The following TFPI variants were observed in gnomAD, a reference collection of about 807,000 sequenced individuals.
TFPI encodes tissue factor pathway inhibitor.
Under a neutral mutation model 34.6 loss-of-function variants are expected in TFPI, and 15 were observed. The observed-to-expected ratio is 0.43, with a 90% confidence interval of 0.29 to 0.67. TFPI has a LOEUF of 0.67. TFPI is among the 30% of genes least tolerant of loss of function. The pLI, the probability that TFPI is intolerant of heterozygous loss-of-function variation, is 0.15. For missense variants in TFPI, 301 were observed against 364.0 expected (o/e 0.83, Z 1.41); for synonymous variants, 105 against 120.1 (o/e 0.87, Z 0.82).
chr2:187,486,936 C>T (rs1209130274), intron 4 of TFPI, among the ~76,000 whole-genome samples: 1 of 151,548 alleles, frequency 6.6e-6, no homozygotes, highest in Non-Finnish European at 1.5e-5. Flanking sequence ...ACAAAGTTCA[C>T]TCGAAATTGA....
intron 1 of TFPI, among the ~76,000 whole-genome samples, chr2:187,534,569 G>A (rs1688139614): frequency 6.6e-6 from 1 of 152,076 alleles, no homozygotes. Context: ...CCTGAAGGAG[G>A]CACTAAATAT....
intron 1 of TFPI, among the ~76,000 whole-genome samples, chr2:187,533,273 A>T (rs559266798): frequency 2.7e-4 from 41 of 152,182 alleles, no homozygotes; most frequent in African/African-American, 9.4e-4. Flanking sequence ...TGACTGGGAG[A>T]CACCTCCCAG....
intron 1 of TFPI, among the ~76,000 whole-genome samples, chr2:187,511,937 T>A (rs982149992): frequency 6.6e-6 from 1 of 151,636 alleles, no homozygotes; most frequent in African/African-American, 2.4e-5. Context: ...GAGAGAGATA[T>A]ACAAGTAGTT....
intron 1 of TFPI, among the ~76,000 whole-genome samples, chr2:187,513,104 A>C (rs556733702): frequency 1.3e-5 from 2 of 152,188 alleles, no homozygotes; most frequent in South Asian, 4.1e-4. Flanking sequence ...TTTTACCTAC[A>C]TTAAAAGGTT....
chr2:187,504,326 G>A (rs1192879768), intron 1 of TFPI, among the ~76,000 whole-genome samples: 1 of 151,868 alleles, frequency 6.6e-6, no homozygotes, highest in African/African-American at 2.4e-5. Flanking sequence ...TCCTAACCAG[G>A]TTTTCTGTGA....
chr2:187,528,932 T>C (rs534295431), intron 1 of TFPI, among the ~76,000 whole-genome samples: 84 of 152,022 alleles, frequency 5.5e-4, no homozygotes, highest in Non-Finnish European at 1.0e-3. Flanking sequence ...CTCCTTTTTA[T>C]AAAAATGGTA....
intron 1 of TFPI, among the ~76,000 whole-genome samples, chr2:187,544,830 C>T (rs1437637695): frequency 6.6e-6 from 1 of 152,166 alleles, no homozygotes; most frequent in African/African-American, 2.4e-5. Context: ...AATTGTTTCT[C>T]TTGGCCAGGT....
chr2:187,528,555 G>A (rs1687797261), intron 1 of TFPI, among the ~76,000 whole-genome samples: 1 of 152,112 alleles, frequency 6.6e-6, no homozygotes, highest in African/African-American at 2.4e-5. Flanking sequence ...AGTCTGTTTA[G>A]ATTTGCTCTG....
At chr2:187,511,841 GAGAC>G (rs1344942571) in intron 1 of TFPI, among the ~76,000 whole-genome samples, 1 of 151,834 alleles carries the variant, frequency 6.6e-6, no homozygotes, top group African/African-American at 2.4e-5. Flanking sequence ...ATAGAGGAAA[GAGAC>G]AGAGAGGGAA....
chr2:187,515,958 A>G (rs1379380146), intron 1 of TFPI: 1 of 152,114 alleles, frequency 6.6e-6, no homozygotes, highest in African/African-American at 2.4e-5. Flanking sequence ...AGCTGGAAAG[A>G]TGATGAGTGG....
At chr2:187,546,447 AAGTT>A (rs1688869790) in intron 1 of TFPI, among the ~76,000 whole-genome samples, 1 of 152,134 alleles carries the variant, frequency 6.6e-6, no homozygotes, top group Non-Finnish European at 1.5e-5. Context: ...AAACAAATAA[AAGTT>A]AGCATTACAT....
Position 187,488,343 on chromosome 2 carries a change from G to T in TFPI, c.352C>A (p.Gln118Lys). The change falls in exon 4 of 8, where the codon CAA (glutamine) becomes AAA (lysine). Residue 118 changes from glutamine (Q) to lysine (K), a missense_variant. Gln to Lys is a moderately conservative substitution (Grantham distance 53, BLOSUM62 1). Coordinates refer to ENST00000233156, the MANE Select transcript of TFPI (RefSeq NM_006287.6). ...CAGACAAATAAATGTTCACCTTGTT[G>T]CAATGTTGTCTTTATAATCCTGTTT... is the stretch of plus-strand genomic sequence containing the variant. ...NANRIIKTTLQQEKPDFCFLE... is the reference protein window; with the variant it reads ...NANRIIKTTLKQEKPDFCFLE... 6.4e-7 allele frequency: 1 copy of T among 1,565,638 alleles called. No homozygotes were observed.
chr2:187,537,285 A>G (rs1303895507), intron 1 of TFPI, among the ~76,000 whole-genome samples: 1 of 152,234 alleles, frequency 6.6e-6, no homozygotes, highest in Non-Finnish European at 1.5e-5. Context: ...AGCCAAGACA[A>G]TCCTAAGCAA....
chr2:187,540,288 G>A (rs899760423), intron 1 of TFPI, among the ~76,000 whole-genome samples: 3 of 152,066 alleles, frequency 2.0e-5, no homozygotes, highest in African/African-American at 7.2e-5. Context: ...GCAAAAAATT[G>A]CAAAATAAGA....
intron 1 of TFPI, among the ~76,000 whole-genome samples, chr2:187,542,142 A>G (rs1193423821): frequency 1.3e-5 from 2 of 152,204 alleles, no homozygotes; most frequent in Non-Finnish European, 2.9e-5. Context: ...TATGAAGGTT[A>G]TAGTTGTATA....
chr2:187,472,872 C>G (rs1241904271), intron 6 of TFPI, among the ~76,000 whole-genome samples: 2 of 151,882 alleles, frequency 1.3e-5, no homozygotes, highest in Non-Finnish European at 2.9e-5. Context: ...ATTAGCTGGG[C>G]GTGGTGGCAC....
intron 3 of TFPI, among the ~76,000 whole-genome samples, chr2:187,489,327 C>T (rs1684946291): frequency 6.6e-6 from 1 of 151,160 alleles, no homozygotes; most frequent in Non-Finnish European, 1.5e-5. Context: ...AACTAACGGA[C>T]CCAAACTTCT....
chr2:187,534,572 C>G (rs1443803222), intron 1 of TFPI, among the ~76,000 whole-genome samples: 1 of 152,068 alleles, frequency 6.6e-6, no homozygotes, highest in Non-Finnish European at 1.5e-5. Flanking sequence ...GAAGGAGGCA[C>G]TAAATATGGA....
At chr2:187,473,811 T>C (rs1692199217) in intron 6 of TFPI, among the ~76,000 whole-genome samples, 3 of 151,098 alleles carry the variant, frequency 2.0e-5, no homozygotes, top group African/African-American at 7.3e-5. Context: ...GCTTTTTTTT[T>C]TCCCCCCGCA....
Sources: allele counts gnomAD v4.1 joint callset (sites outside exome capture counted in the v4.1 genomes callset), GRCh38; gene constraint gnomAD v4.1.1; transcripts MANE v1.5; gene names NCBI Gene and HGNC (gene_info 2026-07-23, HGNC 2026-07-21).